Variants in CBFA2T2 observed in about 807,000 individuals in gnomAD.
CBFA2T2 encodes CBFA2/RUNX1 partner transcriptional co-repressor 2.
CBFA2T2 carries 11 observed loss-of-function variants against 62.2 expected under a neutral mutation model. The observed-to-expected ratio is 0.18, with a 90% CI of 0.11 to 0.29. The LOEUF is 0.29. Among genes scored for constraint, CBFA2T2 ranks in the 10% least tolerant of loss-of-function variants. The pLI is 1.00. For missense variants in CBFA2T2, 592 were observed against 774.1 expected, an observed-to-expected ratio of 0.76 and a Z score of 2.79; for synonymous variants, 295 against 287.5, an observed-to-expected ratio of 1.03 and a Z score of -0.27.
intron 1 of CBFA2T2, among the ~76,000 whole-genome samples, chr20:33,600,779 G>A (rs998234776): frequency 6.6e-6 from 1 of 151,992 alleles, no homozygotes; most frequent in South Asian, 2.1e-4. Context: ...CCATAAGTGA[G>A]GTCCCTCCCT....
intron 1 of CBFA2T2, among the ~76,000 whole-genome samples, chr20:33,497,426 C>T (rs1367137248): frequency 2.0e-5 from 3 of 151,918 alleles, no homozygotes; most frequent in Non-Finnish European, 4.4e-5. Flanking sequence ...TCCCTTGTGC[C>T]TATCTTGTAC....
intron 1 of CBFA2T2, among the ~76,000 whole-genome samples, chr20:33,542,747 T>C (rs1042954304): frequency 6.6e-6 from 1 of 151,730 alleles, no homozygotes; most frequent in Non-Finnish European, 1.5e-5. Flanking sequence ...TCTTGACTCA[T>C]TGCAACCTCC....
Position 33,612,184 on chromosome 20 carries a change from A to G in CBFA2T2, c.420+849A>G, listed in dbSNP as rs574522005. 5.9e-5 allele frequency among the ~76,000 whole-genome samples: 9 copies of G among 152,320 alleles called. 1 individual carries two copies. The highest frequency in any genetic ancestry group is 1.9e-4 in the East Asian group (1 of 5,182). Reference sequence around the variant, plus strand: ...GTACACATAATTTTTCTTTCTTTCTATACTGCACGTGGTGAACCTGTGGCA... The same window carrying G: ...GTACACATAATTTTTCTTTCTTTCTGTACTGCACGTGGTGAACCTGTGGCA... On this transcript the variant is annotated intron_variant, in intron 3 of 10. Coordinates refer to ENST00000342704, the MANE Select transcript of CBFA2T2 (RefSeq NM_001032999.3).
chr20:33,629,207 T>C (rs1336837154), intron 7 of CBFA2T2, among the ~76,000 whole-genome samples: 2 of 152,222 alleles, frequency 1.3e-5, no homozygotes, highest in Non-Finnish European at 2.9e-5. Context: ...CACATACTCA[T>C]GTTTCGTAGT....
intron 1 of CBFA2T2, among the ~76,000 whole-genome samples, chr20:33,593,417 ACAGAGT>A (rs1403442924): frequency 7.8e-6 from 1 of 127,604 alleles, no homozygotes; most frequent in Non-Finnish European, 1.6e-5. Flanking sequence ...TTTTTTTGAG[ACAGAGT>A]CTCACTGTGT....
chr20:33,559,046 GTT>G (rs778972465), intron 1 of CBFA2T2, among the ~76,000 whole-genome samples: 59 of 151,560 alleles, frequency 3.9e-4, no homozygotes, highest in Middle Eastern at 6.8e-3. Context: ...TTTAGAATGA[GTT>G]TGGTTCTCTA....
At position 33,629,929 on chromosome 20, in the gene CBFA2T2, T is replaced by C. The variant is rs763534694; in HGVS notation, c.1228+15T>C. On this transcript the variant is annotated intron_variant, in intron 8 of 10. Coordinates refer to ENST00000342704, the MANE Select transcript of CBFA2T2 (RefSeq NM_001032999.3). ...TCTCAGCAATGGTAAGGGGAGAGTC[T>C]ACGGGAAACCCAAAATAAATGTCAG... 6 of 1,586,280 alleles carry C rather than the reference T, an allele frequency of 3.8e-6. No individual in the cohort carries two copies. In the South Asian group the frequency reaches 5.8e-5, roughly 15 times the overall value.
Position 33,575,629 on chromosome 20 carries a change from G to A in CBFA2T2, c.35-31327G>A, listed in dbSNP as rs79319946. On this transcript the variant is annotated intron_variant, in intron 1 of 10. Coordinates refer to ENST00000342704, the MANE Select transcript of CBFA2T2 (RefSeq NM_001032999.3). ...AATAGGGTTTTTTTTTTCCTTTTTC[G>A]CTAGAAGCCTAAATCTCACCAAATT... Among the ~76,000 whole-genome samples, 879 of 151,594 alleles carry A rather than the reference G, an allele frequency of 5.8e-3. 2 individuals carry two copies. The highest frequency in any genetic ancestry group is 0.014 in the Middle Eastern group (4 of 294).
rs57649764 is a variant in CBFA2T2, at chr20:33,570,139, G to A, written c.35-36817G>A. Among the ~76,000 whole-genome samples, 887 of 152,324 alleles carry A rather than the reference G, an allele frequency of 5.8e-3. 7 individuals carry two copies. The highest frequency in any genetic ancestry group is 0.02 in the African/African-American group (832 of 41,584). ...ACTAAAAATACAAAGAAACTAGCCA[G>A]GTGTGGTGGCACATGCCTGTAATCC... On this transcript the variant is annotated intron_variant, in intron 1 of 10. Coordinates refer to ENST00000342704, the MANE Select transcript of CBFA2T2 (RefSeq NM_001032999.3).
At chr20:33,600,431 G>C (rs1250541633) in intron 1 of CBFA2T2, 1 of 384,356 alleles carries the variant, frequency 2.6e-6, no homozygotes, top group African/African-American at 2.2e-5. Context: ...CAGGTGATCT[G>C]CCTGCATTGG....
intron 1 of CBFA2T2, among the ~76,000 whole-genome samples, chr20:33,515,924 A>G (rs929107053): frequency 1.3e-5 from 2 of 152,082 alleles, no homozygotes; most frequent in African/African-American, 2.4e-5. Context: ...TTGGGAGGAC[A>G]ACACAGAAGA....
At chr20:33,558,142 T>A (rs2012966885) in intron 1 of CBFA2T2, among the ~76,000 whole-genome samples, 1 of 151,572 alleles carries the variant, frequency 6.6e-6, no homozygotes, top group Admixed American at 6.6e-5. Context: ...CTCTCTTTTT[T>A]TTTTTTTTTG....
intron 1 of CBFA2T2, among the ~76,000 whole-genome samples, chr20:33,508,185 C>T (rs1211315117): frequency 6.6e-6 from 1 of 152,144 alleles, no homozygotes; most frequent in East Asian, 1.9e-4. Context: ...ACCTCCGCCT[C>T]CCGGGTTTAA....
At chr20:33,640,213 C>A in intron 9 of CBFA2T2, 128 bp from the exon 10 acceptor site, 1 of 855,330 alleles carries the variant, frequency 1.2e-6, no homozygotes, top group Non-Finnish European at 1.8e-6. Context: ...GTGTGAAGAT[C>A]ATGTGTTCCT....
At chr20:33,596,917 C>CTTTTTTTTTTTTTTT in intron 1 of CBFA2T2, among the ~76,000 whole-genome samples, 1 of 134,708 alleles carries the variant, frequency 7.4e-6, no homozygotes. Flanking sequence ...TTCTTGACCT[C>CTTTTTTTTTTTTTTT]TGTTTTTTTT....
intron 1 of CBFA2T2, among the ~76,000 whole-genome samples, chr20:33,545,517 C>T (rs1307394873): frequency 2.4e-5 from 3 of 122,936 alleles, no homozygotes; most frequent in Admixed American, 8.5e-5. Context: ...GGCACGATCT[C>T]GCCTCACTGC....
intron 1 of CBFA2T2, among the ~76,000 whole-genome samples, chr20:33,532,202 G>A (rs1387417791): frequency 2.0e-5 from 3 of 152,140 alleles, no homozygotes; most frequent in Non-Finnish European, 4.4e-5. Context: ...AGAACACTGC[G>A]TTTAGGCTAG....
rs2146837909 is a variant in CBFA2T2, at chr20:33,490,170, C to T, written c.-98C>T. On this transcript the variant is annotated 5_prime_UTR_variant, in exon 1 of 11. Transcript: ENST00000342704. ...GGCGGCTGCAGATCTCGCGGCGACGCCTGCGAGGGACCCGGGCCGCGGGTC... is the reference window on the plus strand; with the variant it reads ...GGCGGCTGCAGATCTCGCGGCGACGTCTGCGAGGGACCCGGGCCGCGGGTC... 8.7e-7 allele frequency: 1 copy of T among 1,154,114 alleles called. No individual in the cohort carries two copies. The highest frequency in any genetic ancestry group is 4.3e-5 in the South Asian group (1 of 23,194). 71.5% of individuals were successfully genotyped at this position (1,154,114 alleles called of 1,614,324 possible). A position where few individuals can be genotyped will look rare whatever the true frequency, so the allele number is the denominator to read the frequency against.
intron 9 of CBFA2T2, 24 bp downstream of exon 9, chr20:33,636,732 T>A (rs777605875): frequency 2.0e-6 from 3 of 1,533,078 alleles, no homozygotes; most frequent in Non-Finnish European, 1.8e-6. Flanking sequence ...TGCTTGTAGG[T>A]CATACATACT....
Sources: gnomAD v4.1 joint callset for allele counts (sites outside exome capture counted in the v4.1 genomes callset) on GRCh38, gnomAD v4.1.1 for gene constraint, MANE v1.5 for transcripts, NCBI Gene and HGNC (gene_info 2026-07-23, HGNC 2026-07-21) for gene names.